The following RPL17 variants were observed in gnomAD, a reference collection of about 807,000 sequenced individuals.
The protein encoded by RPL17 is large ribosomal subunit protein uL22.
RPL17 carries 2 observed loss-of-function variants against 27.7 expected under a neutral mutation model. That is an observed-to-expected ratio of 0.07 (90% CI 0.03 to 0.23). The LOEUF (loss-of-function observed/expected upper bound fraction) is 0.23, where lower values mean the gene tolerates loss of function less well. RPL17 is among the 10% of genes least tolerant of loss of function. The pLI is 1.00. For synonymous variants in RPL17, 76 were observed against 75.5 expected (o/e 1.01, Z -0.03); for missense variants, 141 against 238.8 (o/e 0.59, Z 2.70).
chr18:49,491,930 T>C (rs538585749), intron 1 of RPL17: 1 of 403,198 alleles, frequency 2.5e-6, no homozygotes, highest in African/African-American at 2.1e-5. Context: ...ACCGTAACCC[T>C]CTACACCTCC....
Sources: allele counts gnomAD v4.1 joint callset, GRCh38; gene constraint gnomAD v4.1.1; transcripts MANE v1.5; gene names NCBI Gene and HGNC (gene_info 2026-07-23, HGNC 2026-07-21).